DENND1A: variants seen among roughly 807,000 people sequenced by gnomAD.
DENND1A encodes DENN domain-containing protein 1A.
DENND1A carries 51 observed loss-of-function variants against 113.7 expected under a neutral mutation model. That is an observed-to-expected ratio of 0.45 (90% confidence interval 0.36 to 0.57). The LOEUF is 0.57. DENND1A is among the 20% of genes least tolerant of loss of function. The pLI is 0.00. For missense variants in DENND1A, 1,258 were observed against 1,395.9 expected, an observed-to-expected ratio of 0.90 and a Z score of 1.57; for synonymous variants, 565 against 570.8, an observed-to-expected ratio of 0.99 and a Z score of 0.14.
Position 123,450,699 on chromosome 9 carries a change from C to G in DENND1A, c.1350G>C (p.Lys450Asn). Residue 450 changes from lysine (K) to asparagine (N), a missense_variant, in exon 18 of 24, where the codon AAG becomes AAC. By Grantham distance (94) the Lys-to-Asn change is moderately conservative. Transcript: ENST00000394215. ...MGIKEVKNRL[K>N]QKDIAENGCA... ...GAATAAGAACTTCAAGTACCTTTTG[C>G]TTCAAGCGGTTTTTCACCTCTTTTA... 2 of 1,610,050 alleles carry G rather than the reference C, an allele frequency of 1.2e-6. No homozygotes were observed. Among genetic ancestry groups the G allele is most frequent in the Non-Finnish European group, 1.7e-6 (2 of 1,178,998 alleles).
intron 1 of DENND1A, among the ~76,000 whole-genome samples, chr9:123,889,964 A>T (rs1849662331): frequency 6.6e-6 from 1 of 151,644 alleles, no homozygotes; most frequent in Admixed American, 6.6e-5. Flanking sequence ...CAAGAGTGAA[A>T]CTCCATCTTC....
At chr9:123,823,074 C>T (rs961843669) in intron 2 of DENND1A, among the ~76,000 whole-genome samples, 5 of 152,186 alleles carry the variant, frequency 3.3e-5, no homozygotes, top group African/African-American at 1.2e-4. Context: ...TGTGTACTTA[C>T]TATGTCTCAG....
At chr9:123,426,681 T>C (rs2131964333) in intron 19 of DENND1A, among the ~76,000 whole-genome samples, 1 of 152,288 alleles carries the variant, frequency 6.6e-6, no homozygotes, top group East Asian at 1.9e-4. Flanking sequence ...GCCAGCCTAG[T>C]TTCTGTTCCT....
At chr9:123,725,570 C>T (rs1372102380) in intron 5 of DENND1A, among the ~76,000 whole-genome samples, 4 of 152,196 alleles carry the variant, frequency 2.6e-5, no homozygotes, top group Admixed American at 1.3e-4. Flanking sequence ...GTTGCAAGGC[C>T]GCAGTTAACC....
intron 2 of DENND1A, among the ~76,000 whole-genome samples, chr9:123,851,315 A>G (rs1016996966): frequency 2.6e-5 from 4 of 152,202 alleles, no homozygotes; most frequent in Non-Finnish European, 4.4e-5. Context: ...CTTTCACTCA[A>G]GATAATTATG....
chr9:123,902,206 C>CACACACAT (rs1554810503), intron 1 of DENND1A, among the ~76,000 whole-genome samples: 1 of 149,028 alleles, frequency 6.7e-6, no homozygotes, highest in South Asian at 2.1e-4. Context: ...CACACACACA[C>CACACACAT]ATACACACAC....
intron 21 of DENND1A, among the ~76,000 whole-genome samples, chr9:123,394,941 C>T (rs10124744): frequency 0.14 from 20,811 of 152,202 alleles, 1,472 homozygotes; most frequent in Admixed American, 0.18. Context: ...CCTGGCTGCC[C>T]GGGTGCACAT....
At chr9:123,700,121 A>G (rs1326799852) in intron 5 of DENND1A, among the ~76,000 whole-genome samples, 1 of 152,236 alleles carries the variant, frequency 6.6e-6, no homozygotes, top group Non-Finnish European at 1.5e-5. Flanking sequence ...CCTTGTGCCA[A>G]TACCACAATG....
intron 5 of DENND1A, among the ~76,000 whole-genome samples, chr9:123,688,910 C>T (rs1487847650): frequency 6.6e-6 from 1 of 152,166 alleles, no homozygotes; most frequent in Non-Finnish European, 1.5e-5. Flanking sequence ...AAAAAACTCC[C>T]TCAAATTAAG....
chr9:123,804,902 A>G (rs1165543343), intron 2 of DENND1A, among the ~76,000 whole-genome samples: 1 of 152,122 alleles, frequency 6.6e-6, no homozygotes, highest in African/African-American at 2.4e-5. Flanking sequence ...CATCTAGAGG[A>G]ATCCTGTAAA....
intron 1 of DENND1A, among the ~76,000 whole-genome samples, chr9:123,896,694 GAA>G (rs1240591059): frequency 6.6e-6 from 1 of 151,966 alleles, no homozygotes; most frequent in Non-Finnish European, 1.5e-5. Context: ...AAGGAAAACT[GAA>G]AAAGAACAAA....
chr9:123,878,267 C>G (rs1402812581), intron 2 of DENND1A, among the ~76,000 whole-genome samples: 1 of 151,672 alleles, frequency 6.6e-6, no homozygotes, highest in Non-Finnish European at 1.5e-5. Context: ...GAGTCCTAAA[C>G]ATACCTTTGG....
chr9:123,387,586 T>G, intron 22 of DENND1A, 144 bp downstream of exon 22: 1 of 937,784 alleles, frequency 1.1e-6, no homozygotes, highest in Non-Finnish European at 1.4e-6. Flanking sequence ...ACCCTGCATG[T>G]TGGCACTGGG....
Position 123,501,659 on chromosome 9 carries a change from GGT to G in DENND1A, c.994-43764_994-43763del, listed in dbSNP as rs1284021824. ...TGAAAGATGCAAAGTATTGATCCTG[GGT>G]GTGTCTGTGAGGGTGTTGTCAAAAA... On this transcript the variant is annotated intron_variant, in intron 13 of 23. Transcript: ENST00000394215. Among the ~76,000 whole-genome samples, 4 of 152,282 alleles carry G rather than the reference GGT, an allele frequency of 2.6e-5. No homozygotes were observed. In the East Asian group the frequency reaches 7.7e-4, roughly 29 times the overall value.
At chr9:123,674,779 C>A (rs1352746281) in intron 6 of DENND1A, among the ~76,000 whole-genome samples, 1 of 151,652 alleles carries the variant, frequency 6.6e-6, no homozygotes, top group African/African-American at 2.4e-5. Flanking sequence ...CTTTTATAAT[C>A]TTTCCCAAAT....
At chr9:123,671,214 T>C in intron 7 of DENND1A, 77 bp downstream of exon 7, 13 of 1,555,258 alleles carry the variant, frequency 8.4e-6, no homozygotes, top group Non-Finnish European at 1.2e-5. Context: ...CAAAATACAA[T>C]CCTGTTCAGC....
chr9:123,380,111 C>G lies in DENND1A; in HGVS notation c.*1321G>C, dbSNP rs1018872964. The G allele has an allele frequency of 1.3e-5, 2 of 152,184 alleles. No individual in the cohort carries two copies. Among genetic ancestry groups the G allele is most frequent in the Non-Finnish European group, 2.9e-5 (2 of 68,030 alleles). The allele number at this position is 152,184 out of a possible 1,614,324, so 9.4% of individuals were successfully genotyped here. ...TGACATCTCCAGAGACCCCCTTGTC[C>G]CCCAGACACCCCTGGGTAGACTGTG... On this transcript the variant is annotated 3_prime_UTR_variant, in exon 24 of 24. Transcript: ENST00000394215.
At chr9:123,453,050 C>T (rs1374862655) in intron 16 of DENND1A, among the ~76,000 whole-genome samples, 6 of 152,130 alleles carry the variant, frequency 3.9e-5, no homozygotes, top group Admixed American at 3.9e-4. Context: ...CTAAAAGAGG[C>T]AGTGGAGGGA....
chr9:123,590,657 A>G (rs1027164587), intron 11 of DENND1A, among the ~76,000 whole-genome samples: 2 of 152,150 alleles, frequency 1.3e-5, no homozygotes, highest in African/African-American at 2.4e-5. Context: ...AATATTCTGT[A>G]TCTTTATTGT....
Sources: gnomAD v4.1 joint callset for allele counts (sites outside exome capture counted in the v4.1 genomes callset) on GRCh38, gnomAD v4.1.1 for gene constraint, MANE v1.5 for transcripts, NCBI Gene and HGNC (gene_info 2026-07-23, HGNC 2026-07-21) for gene names.